Variants in TBC1D22A observed in about 807,000 individuals in gnomAD.
The protein encoded by TBC1D22A is TBC1 domain family member 22A, also known as putative GTPase activator.
A neutral mutation model predicts 60.2 loss-of-function variants in TBC1D22A; 38 were observed. The ratio of observed to expected loss-of-function variants is 0.63; its 90% CI spans 0.49 to 0.83. The LOEUF is 0.83. TBC1D22A is among the 40% of genes least tolerant of loss of function. The pLI is 0.00. For missense variants in TBC1D22A, 628 were observed against 701.0 expected (o/e 0.90, Z 1.18); for synonymous variants, 302 against 281.7 (o/e 1.07, Z -0.72).
intron 10 of TBC1D22A, among the ~76,000 whole-genome samples, chr22:47,003,794 C>T (rs1569324826): frequency 7.3e-6 from 1 of 137,746 alleles, no homozygotes; most frequent in Admixed American, 7.3e-5. Context: ...CCTACACACA[C>T]ATGCCTGTAC....
intron 12 of TBC1D22A, among the ~76,000 whole-genome samples, chr22:47,124,803 G>T (rs2066396454): frequency 6.6e-6 from 1 of 152,102 alleles, no homozygotes; most frequent in Non-Finnish European, 1.5e-5. Flanking sequence ...GCTCCACCGA[G>T]GTCCGCCAGT....
At chr22:47,062,964 G>C (rs1392298542) in intron 11 of TBC1D22A, among the ~76,000 whole-genome samples, 1 of 152,164 alleles carries the variant, frequency 6.6e-6, no homozygotes, top group East Asian at 1.9e-4. Flanking sequence ...GCCTGAAGGT[G>C]AGAAACAGCA....
intron 8 of TBC1D22A, chr22:46,913,504 G>C: frequency 7.7e-7 from 1 of 1,297,734 alleles, no homozygotes; most frequent in Non-Finnish European, 1.0e-6. Flanking sequence ...TTTCATAGGA[G>C]GTTGTCTCAT....
intron 9 of TBC1D22A, among the ~76,000 whole-genome samples, chr22:46,993,335 A>G (rs1863896945): frequency 6.6e-6 from 1 of 152,294 alleles, no homozygotes; most frequent in Middle Eastern, 3.4e-3. Flanking sequence ...GAAACATTTC[A>G]CAACAGATCG....
chr22:46,860,785 C>A (rs2087832684), intron 4 of TBC1D22A, among the ~76,000 whole-genome samples: 1 of 152,178 alleles, frequency 6.6e-6, no homozygotes, highest in African/African-American at 2.4e-5. Context: ...GGCGGGTCTC[C>A]TGGAGCAGTG....
intron 1 of TBC1D22A, among the ~76,000 whole-genome samples, chr22:46,787,800 C>CT (rs1455465535): frequency 2.0e-5 from 3 of 151,918 alleles, no homozygotes; most frequent in African/African-American, 7.3e-5. Flanking sequence ...GGTTTCAACT[C>CT]TATTATATGA....
At chr22:46,827,989 C>T (rs752637098) in intron 4 of TBC1D22A, among the ~76,000 whole-genome samples, 1 of 152,206 alleles carries the variant, frequency 6.6e-6, no homozygotes, top group Non-Finnish European at 1.5e-5. Context: ...GCCTGTGCGT[C>T]GTGCAGTGTA....
intron 4 of TBC1D22A, among the ~76,000 whole-genome samples, chr22:46,843,242 T>C (rs1419967420): frequency 6.6e-6 from 1 of 152,130 alleles, no homozygotes; most frequent in East Asian, 1.9e-4. Flanking sequence ...GAGCATTCGG[T>C]GTACTAATAC....
intron 12 of TBC1D22A, among the ~76,000 whole-genome samples, chr22:47,133,984 G>A (rs1569465689): frequency 6.6e-6 from 1 of 151,984 alleles, no homozygotes; most frequent in African/African-American, 2.4e-5. Flanking sequence ...CTTTCTCGTG[G>A]GCCTGGAGCA....
At chr22:46,968,392 T>C (rs1320416887) in intron 8 of TBC1D22A, among the ~76,000 whole-genome samples, 1 of 152,214 alleles carries the variant, frequency 6.6e-6, no homozygotes, top group Admixed American at 6.5e-5. Flanking sequence ...CAGGGGGCTT[T>C]TGGATGGAGT....
At chr22:47,071,569 G>A (rs1038604242) in intron 11 of TBC1D22A, among the ~76,000 whole-genome samples, 16 of 152,202 alleles carry the variant, frequency 1.1e-4, no homozygotes, top group African/African-American at 2.7e-4. Context: ...AAGTTACAAC[G>A]GGAAGCCCTT....
chr22:47,144,366 T>G (rs112790604), intron 12 of TBC1D22A, among the ~76,000 whole-genome samples: 1 of 152,152 alleles, frequency 6.6e-6, no homozygotes, highest in Non-Finnish European at 1.5e-5. Flanking sequence ...AGGGCCCTTT[T>G]CTGGCACAGG....
chr22:46,978,960 A>C (rs964711673), intron 9 of TBC1D22A, among the ~76,000 whole-genome samples: 1 of 152,146 alleles, frequency 6.6e-6, no homozygotes, highest in South Asian at 2.1e-4. Context: ...TTTTTCATTC[A>C]TACTATACTA....
At chr22:46,792,393 C>A in intron 1 of TBC1D22A, 127 bp from the exon 2 acceptor site, 1 of 1,315,114 alleles carries the variant, frequency 7.6e-7, no homozygotes, top group South Asian at 1.2e-5. Flanking sequence ...GGGCCTGCGA[C>A]AGCCCATGAG....
At chr22:46,805,792 C>G (rs1164356244) in intron 4 of TBC1D22A, among the ~76,000 whole-genome samples, 1 of 151,690 alleles carries the variant, frequency 6.6e-6, no homozygotes, top group Non-Finnish European at 1.5e-5. Context: ...ACCGCCCCCC[C>G]ACACCCCCCA....
At chr22:46,764,269 C>T (rs1224375674) in intron 1 of TBC1D22A, 1 of 152,182 alleles carries the variant, frequency 6.6e-6, no homozygotes, top group Non-Finnish European at 1.5e-5. Flanking sequence ...TTCAACAAAA[C>T]CAGTGTCAGG....
intron 12 of TBC1D22A, among the ~76,000 whole-genome samples, chr22:47,147,586 G>A (rs903815575): frequency 6.6e-6 from 1 of 152,234 alleles, no homozygotes; most frequent in Non-Finnish European, 1.5e-5. Flanking sequence ...GGTGCGCCCT[G>A]CTGTTTCCAT....
At chr22:47,023,038 TCAATCATAA>T (rs2062140914) in intron 10 of TBC1D22A, among the ~76,000 whole-genome samples, 1 of 152,178 alleles carries the variant, frequency 6.6e-6, no homozygotes, top group African/African-American at 2.4e-5. Context: ...AGAACAAAAG[TCAATCATAA>T]CTGACCCAGA....
intron 12 of TBC1D22A, among the ~76,000 whole-genome samples, chr22:47,160,005 G>A (rs1418482859): frequency 6.6e-6 from 1 of 151,260 alleles, no homozygotes; most frequent in Non-Finnish European, 1.5e-5. Context: ...CACACACACT[G>A]CACACCATAT....
Sources: gnomAD v4.1 joint callset for allele counts (sites outside exome capture counted in the v4.1 genomes callset) on GRCh38, gnomAD v4.1.1 for gene constraint, MANE v1.5 for transcripts, NCBI Gene and HGNC (gene_info 2026-07-23, HGNC 2026-07-21) for gene names.